Variants in SLC25A42 observed in about 807,000 individuals in gnomAD.
The protein encoded by SLC25A42 is solute carrier family 25 member 42.
Under a neutral mutation model 34.7 loss-of-function variants are expected in SLC25A42, and 19 were observed. The observed-to-expected ratio is 0.55, with a 90% CI of 0.38 to 0.80. The LOEUF (loss-of-function observed/expected upper bound fraction) is 0.80, where lower values mean the gene tolerates loss of function less well. Ranked by LOEUF, SLC25A42 falls within the 30% of genes least tolerant of loss-of-function variation. The pLI, the probability that SLC25A42 is intolerant of heterozygous loss-of-function variation, is 0.00. For missense variants in SLC25A42, 364 were observed against 441.3 expected (o/e 0.82, Z 1.57); for synonymous variants, 205 against 191.2 (o/e 1.07, Z -0.59).
chr19:19,103,853 C>T (rs2059811321), intron 3 of SLC25A42, among the ~76,000 whole-genome samples: 1 of 152,110 alleles, frequency 6.6e-6, no homozygotes, highest in Non-Finnish European at 1.5e-5. Flanking sequence ...CATGGGCATC[C>T]AGTGAGCTGG....
intron 3 of SLC25A42, among the ~76,000 whole-genome samples, 185 bp from the exon 4 acceptor site, chr19:19,104,728 C>G (rs2059816800): frequency 2.0e-5 from 3 of 152,158 alleles, no homozygotes; most frequent in Non-Finnish European, 4.4e-5. Context: ...ATCTCAGACA[C>G]GTTCTCCTCT....
At chr19:19,104,046 G>C (rs1000188639) in intron 3 of SLC25A42, among the ~76,000 whole-genome samples, 1 of 152,096 alleles carries the variant, frequency 6.6e-6, no homozygotes, top group South Asian at 2.1e-4. Context: ...AGCTGGGATT[G>C]CAGGAGTCTG....
At chr19:19,102,158 G>A (rs536117116) in intron 3 of SLC25A42, among the ~76,000 whole-genome samples, 104 of 151,624 alleles carry the variant, frequency 6.9e-4, no homozygotes, top group African/African-American at 2.4e-3. Flanking sequence ...ACAGGCATGC[G>A]CCACCATGCC....
At chr19:19,071,876 AC>A (rs932045940) in intron 1 of SLC25A42, among the ~76,000 whole-genome samples, 4 of 151,828 alleles carry the variant, frequency 2.6e-5, no homozygotes, top group Admixed American at 6.6e-5. Context: ...AAAAAAAAAA[AC>A]AACTAAAAAA....
chr19:19,068,918 C>T (rs775974423), intron 1 of SLC25A42, among the ~76,000 whole-genome samples: 1 of 150,718 alleles, frequency 6.6e-6, no homozygotes, highest in Admixed American at 6.6e-5. Context: ...CCTAGCTACT[C>T]AGGAGGCTGA....
chr19:19,066,453 CTT>C (rs34535990), intron 1 of SLC25A42, among the ~76,000 whole-genome samples: 103 of 131,702 alleles, frequency 7.8e-4, no homozygotes, highest in Middle Eastern at 3.9e-3. Context: ...TTTTTTCTTT[CTT>C]TTTTTTTTTT....
At chr19:19,110,495 A>C in intron 7 of SLC25A42, 74 bp from the exon 8 acceptor site, 1 of 1,310,054 alleles carries the variant, frequency 7.6e-7, no homozygotes, top group Non-Finnish European at 9.8e-7. Flanking sequence ...TAGGGGTGCA[A>C]AGGCGCGCGC....
intron 1 of SLC25A42, among the ~76,000 whole-genome samples, chr19:19,089,680 C>T (rs531221531): frequency 1.1e-4 from 17 of 152,054 alleles, no homozygotes; most frequent in Admixed American, 5.9e-4. Flanking sequence ...CCAGCCTGCC[C>T]AACATGGTGA....
intron 1 of SLC25A42, among the ~76,000 whole-genome samples, chr19:19,080,362 C>T (rs1175388568): frequency 6.6e-6 from 1 of 152,112 alleles, no homozygotes; most frequent in Non-Finnish European, 1.5e-5. Flanking sequence ...CACCCCCTAC[C>T]CATTGGATCC....
At chr19:19,080,922 T>TAAAA (rs11374996) in intron 1 of SLC25A42, among the ~76,000 whole-genome samples, 2 of 128,422 alleles carry the variant, frequency 1.6e-5, no homozygotes, top group African/African-American at 3.0e-5. Context: ...CCTATAAAAT[T>TAAAA]TAAAAAAAAA....
chr19:19,066,174 G>C (rs2059600953), intron 1 of SLC25A42, among the ~76,000 whole-genome samples: 1 of 152,084 alleles, frequency 6.6e-6, no homozygotes, highest in Non-Finnish European at 1.5e-5. Flanking sequence ...TAGTTAAAAA[G>C]AAAAAATCAA....
chr19:19,103,894 TTATTTA>T (rs2059811864), intron 3 of SLC25A42, among the ~76,000 whole-genome samples: 1 of 10,746 alleles, frequency 9.3e-5, no homozygotes, highest in African/African-American at 1.6e-4. Context: ...CCTTATTTAT[TTATTTA>T]TTTATTTATT....
At chr19:19,095,970 T>G (rs753732253) in intron 1 of SLC25A42, 121 bp from the exon 2 acceptor site, 3 of 721,954 alleles carry the variant, frequency 4.2e-6, no homozygotes, top group Non-Finnish European at 7.6e-6. Flanking sequence ...GGCTGCGGAA[T>G]GCAGTTGAGG....
In SLC25A42 at chr19:19,111,572, C is replaced by T. The variant is rs1032081340; in HGVS notation, c.*696C>T. 1 of 153,142 alleles carries T rather than the reference C, an allele frequency of 6.5e-6. No individual in the cohort carries two copies. The highest frequency in any genetic ancestry group is 2.4e-5 in the African/African-American group (1 of 41,478). The allele number at this position is 153,142 out of a possible 1,614,324, so 9.5% of individuals were successfully genotyped here. A position where few individuals can be genotyped will look rare whatever the true frequency, so the allele number is the denominator to read the frequency against. On this transcript the variant is annotated 3_prime_UTR_variant, in exon 8 of 8. Coordinates refer to ENST00000318596, the MANE Select transcript of SLC25A42 (RefSeq NM_178526.5). ...TCCCCCTAGAGTTGCCTGCCCATGC[C>T]CACCTGCTTTGTAACCTTCCCAGGA...
intron 7 of SLC25A42, among the ~76,000 whole-genome samples, chr19:19,110,162 C>G (rs1420609901): frequency 6.6e-6 from 1 of 152,038 alleles, no homozygotes; most frequent in African/African-American, 2.4e-5. Flanking sequence ...GCCTGACCAA[C>G]ATGGAGAAAC....
At chr19:19,074,760 AGTGT>A (rs748485737) in intron 1 of SLC25A42, among the ~76,000 whole-genome samples, 7 of 151,482 alleles carry the variant, frequency 4.6e-5, no homozygotes, top group Admixed American at 4.0e-4. Flanking sequence ...AGCGAGTGTG[AGTGT>A]GTGTGTATGT....
Position 19,105,629 on chromosome 19 carries a change from G to T in SLC25A42, c.282G>T (p.Ser94=). Residue 94 remains serine (S), a synonymous_variant, in exon 5 of 8, where the codon TCG becomes TCT. Coordinates refer to ENST00000318596, the MANE Select transcript of SLC25A42 (RefSeq NM_178526.5). ...EGFLSLWRGN[S]ATMVRVVPYA... is the part of the protein sequence containing the mutation. ...TTCTCAGCTTGTGGCGCGGGAACTC[G>T]GCCACCATGGTGCGCGTGGTGCCCT... 1 of 1,613,834 alleles carries T rather than the reference G, an allele frequency of 6.2e-7. No homozygotes were observed. Among genetic ancestry groups the T allele is most frequent in the South Asian group, 1.1e-5 (1 of 91,058 alleles).
intron 1 of SLC25A42, among the ~76,000 whole-genome samples, chr19:19,078,013 C>T (rs574097864): frequency 5.9e-5 from 9 of 152,320 alleles, no homozygotes; most frequent in African/African-American, 1.9e-4. Flanking sequence ...CATAGTGTCC[C>T]ATCGTGGGAC....
chr19:19,085,049 C>T (rs1295572963), intron 1 of SLC25A42, among the ~76,000 whole-genome samples: 7 of 152,154 alleles, frequency 4.6e-5, no homozygotes, highest in African/African-American at 2.4e-5. Flanking sequence ...GAGAAGGACC[C>T]GGTTGTGGCT....
Sources: gnomAD v4.1 joint callset for allele counts (sites outside exome capture counted in the v4.1 genomes callset) on GRCh38, gnomAD v4.1.1 for gene constraint, MANE v1.5 for transcripts, NCBI Gene and HGNC (gene_info 2026-07-23, HGNC 2026-07-21) for gene names.